The following SYT14 variants were observed in gnomAD, a reference collection of about 807,000 sequenced individuals.
The protein encoded by SYT14 is synaptotagmin 14, also known as synaptotagmin-14.
Under a neutral mutation model 74.2 loss-of-function variants are expected in SYT14, and 32 were observed. That is an observed-to-expected ratio of 0.43 (90% CI 0.33 to 0.58). The LOEUF is 0.58. Among genes scored for constraint, SYT14 ranks in the 20% least tolerant of loss-of-function variants. The probability of loss-of-function intolerance (pLI) is 0.05; values close to 1 mark genes in which losing one functional copy is unlikely to be tolerated. For synonymous variants in SYT14, 298 were observed against 337.7 expected (o/e 0.88, Z 1.29); for missense variants, 791 against 981.8 (o/e 0.81, Z 2.60).
intron 7 of SYT14, among the ~76,000 whole-genome samples, chr1:210,135,930 T>C (rs2082776224): frequency 6.6e-6 from 1 of 152,228 alleles, no homozygotes; most frequent in African/African-American, 2.4e-5. Flanking sequence ...CTCAGGCCTA[T>C]GTGAGTTGTG....
rs1425418249 is a variant in SYT14, at chr1:210,159,348, T to C, written c.2225-73T>C. On this transcript the variant is annotated intron_variant, in intron 8 of 9. Coordinates refer to ENST00000637265, the Ensembl canonical transcript of SYT14. Reference sequence around the variant, plus strand: ...CAGTGTTTCCTCTTTAATTCTAACCTTTGACCCTCTTTCACCCAACGATTG... The same window carrying C: ...CAGTGTTTCCTCTTTAATTCTAACCCTTGACCCTCTTTCACCCAACGATTG... 15 of 1,402,752 alleles carry C rather than the reference T, an allele frequency of 1.1e-5. No homozygotes were observed. The East Asian group carries it at 3.5e-4, about 33-fold the overall frequency. The allele number at this position is 1,402,752 out of a possible 1,614,324, so 86.9% of individuals were successfully genotyped here. A position where few individuals can be genotyped will look rare whatever the true frequency, so the allele number is the denominator to read the frequency against.
intron 5 of SYT14, among the ~76,000 whole-genome samples, chr1:210,072,954 T>A (rs1012867212): frequency 1.3e-5 from 2 of 151,646 alleles, no homozygotes; most frequent in African/African-American, 4.8e-5. Flanking sequence ...GATAAAAGAT[T>A]AATAACTCTT....
At chr1:210,093,404 C>CATTCAGGATTT (rs6143597) in intron 5 of SYT14, among the ~76,000 whole-genome samples, 8,699 of 152,002 alleles carry the variant, frequency 0.057, 1,063 homozygotes, top group East Asian at 0.42. Context: ...TTTAGTATTG[C>CATTCAGGATTT]ATTCAGGATT....
At chr1:210,103,479 G>A (rs1393365029) in intron 7 of SYT14, among the ~76,000 whole-genome samples, 1 of 151,128 alleles carries the variant, frequency 6.6e-6, no homozygotes, top group Non-Finnish European at 1.5e-5. Context: ...GAACCCAGGA[G>A]GCGGAGCTTG....
At chr1:210,002,626 TA>T (rs2079921858) in intron 2 of SYT14, among the ~76,000 whole-genome samples, 2 of 152,276 alleles carry the variant, frequency 1.3e-5, no homozygotes, top group South Asian at 2.1e-4. Flanking sequence ...TTACAAGATC[TA>T]AATTTTGGCC....
At chr1:210,133,600 C>T (rs550886447) in intron 7 of SYT14, among the ~76,000 whole-genome samples, 17 of 152,218 alleles carry the variant, frequency 1.1e-4, no homozygotes, top group African/African-American at 3.9e-4. Flanking sequence ...TCTTGCCTCC[C>T]ATATTTTATT....
intron 5 of SYT14, among the ~76,000 whole-genome samples, chr1:210,079,254 G>A (rs1181954948): frequency 6.6e-6 from 1 of 151,660 alleles, no homozygotes; most frequent in Non-Finnish European, 1.5e-5. Context: ...ATATAATAGG[G>A]TACTATGTTC....
At chr1:210,051,423 T>C (rs2080993843) in intron 5 of SYT14, among the ~76,000 whole-genome samples, 1 of 152,212 alleles carries the variant, frequency 6.6e-6, no homozygotes, top group Non-Finnish European at 1.5e-5. Context: ...TTTCAATTTG[T>C]TTTTGAATAT....
intron 7 of SYT14, among the ~76,000 whole-genome samples, chr1:210,104,119 T>C (rs1194949409): frequency 6.6e-6 from 1 of 152,182 alleles, no homozygotes; most frequent in Non-Finnish European, 1.5e-5. Context: ...TGGAGGTATC[T>C]GGTGTTCAGA....
chr1:210,041,943 C>G (rs186691263), intron 5 of SYT14, among the ~76,000 whole-genome samples: 36 of 152,198 alleles, frequency 2.4e-4, no homozygotes, highest in Non-Finnish European at 2.6e-4. Flanking sequence ...CAAAAGCACT[C>G]TGCTCTGGGT....
At chr1:210,153,051 A>G (rs188737376) in intron 7 of SYT14, among the ~76,000 whole-genome samples, 15 of 152,260 alleles carry the variant, frequency 9.9e-5, no homozygotes, top group African/African-American at 3.6e-4. Context: ...TGGATCCAAT[A>G]TGAGTAATGC....
At chr1:210,021,011 C>T (rs761819364) in intron 4 of SYT14, 28 bp from the exon 4 acceptor site, 9 of 1,605,090 alleles carry the variant, frequency 5.6e-6, no homozygotes, top group African/African-American at 5.3e-5. Flanking sequence ...TTTCAATTAC[C>T]GTTTGTTCTT....
chr1:210,125,599 C>A (rs2484029), intron 7 of SYT14, among the ~76,000 whole-genome samples: 15,305 of 152,166 alleles, frequency 0.1, 1,051 homozygotes, highest in Non-Finnish European at 0.13. Flanking sequence ...GGAGTCATTT[C>A]TGCAGAACTA....
Position 210,075,307 on chromosome 1 carries a change from A to G in SYT14, c.1313-19015A>G, listed in dbSNP as rs186692340. ...GATGTGTTCTTCTTGACGTCTAGCC[A>G]CTTGTGTGCCTGCCTGCTAGGGTCT... On this transcript the variant is annotated intron_variant, in intron 5 of 9. Transcript: ENST00000637265. 8.0e-3 allele frequency among the ~76,000 whole-genome samples: 1,171 copies of G among 147,010 alleles called. 20 individuals carry two copies. Among genetic ancestry groups the G allele is most frequent in the African/African-American group, 0.028 (1,116 of 39,306 alleles).
chr1:210,087,937 A>T (rs1433463570), intron 5 of SYT14, among the ~76,000 whole-genome samples: 1 of 152,080 alleles, frequency 6.6e-6, no homozygotes, highest in Non-Finnish European at 1.5e-5. Context: ...CAAAGGTGAA[A>T]TTTCTGTCTT....
At chr1:210,060,089 T>C (rs1485546226) in intron 5 of SYT14, among the ~76,000 whole-genome samples, 5 of 152,304 alleles carry the variant, frequency 3.3e-5, no homozygotes, top group African/African-American at 1.2e-4. Flanking sequence ...CATTTGTTTT[T>C]TCTTAAGCAT....
intron 2 of SYT14, among the ~76,000 whole-genome samples, chr1:209,963,660 AT>A (rs1212876525): frequency 3.9e-5 from 6 of 152,198 alleles, no homozygotes; most frequent in Admixed American, 2.6e-4. Context: ...AATATGACTC[AT>A]CTTTTCTACA....
At chr1:210,102,751 G>A (rs542436215) in intron 7 of SYT14, among the ~76,000 whole-genome samples, 1 of 152,064 alleles carries the variant, frequency 6.6e-6, no homozygotes, top group Non-Finnish European at 1.5e-5. Flanking sequence ...GTGCAATCAT[G>A]GCTGATTGTA....
intron 2 of SYT14, among the ~76,000 whole-genome samples, chr1:209,962,953 G>A (rs2079099494): frequency 6.6e-6 from 1 of 152,084 alleles, no homozygotes; most frequent in Non-Finnish European, 1.5e-5. Context: ...GTAAAACTAA[G>A]GTGTTTACAG....
Sources: gnomAD v4.1 joint callset for allele counts (sites outside exome capture counted in the v4.1 genomes callset) on GRCh38, gnomAD v4.1.1 for gene constraint, MANE v1.5 for transcripts, NCBI Gene and HGNC (gene_info 2026-07-23, HGNC 2026-07-21) for gene names.